PMPCA: variants seen among roughly 807,000 people sequenced by gnomAD.
The protein encoded by PMPCA is peptidase, mitochondrial processing subunit alpha.
A neutral mutation model predicts 59.3 loss-of-function variants in PMPCA; 47 were observed. The ratio of observed to expected loss-of-function variants is 0.79; its 90% CI spans 0.63 to 1.01. PMPCA has a LOEUF of 1.01. PMPCA is among the 50% of genes least tolerant of loss of function. The probability of loss-of-function intolerance (pLI) is 0.00; values close to 1 mark genes in which losing one functional copy is unlikely to be tolerated. For synonymous variants in PMPCA, 338 were observed against 290.3 expected (o/e 1.16, Z -1.67); for missense variants, 726 against 704.5 (o/e 1.03, Z -0.34).
At chr9:136,422,155 C>G in intron 12 of PMPCA, 179 bp downstream of exon 12, 1 of 1,536,104 alleles carries the variant, frequency 6.5e-7, no homozygotes, top group Non-Finnish European at 8.8e-7. Context: ...GGGTCGCAGA[C>G]CTGGTCTCAC....
rs571540936 is a variant in PMPCA, at chr9:136,410,694, C to T, written c.26C>T (p.Thr9Met). Reference sequence around the variant, plus strand: ...ATGGCGGCTGTGGTGCTGGCGGCGACGCGGTTGCTGCGGGGCTCGGGTTCT... The same window carrying T: ...ATGGCGGCTGTGGTGCTGGCGGCGATGCGGTTGCTGCGGGGCTCGGGTTCT... MAAVVLAA[T>M]RLLRGSGSWG... The change falls in exon 1 of 13, where the codon ACG (threonine) becomes ATG (methionine). Residue 9 changes from threonine (T) to methionine (M), a missense_variant. Thr to Met is a moderately conservative substitution (Grantham distance 81, BLOSUM62 -1). Coordinates refer to ENST00000371717, the MANE Select transcript of PMPCA (RefSeq NM_015160.3). 7 of 1,416,622 alleles carry T rather than the reference C, an allele frequency of 4.9e-6. No individual in the cohort carries two copies. Among genetic ancestry groups the T allele is most frequent in the South Asian group, 4.9e-5 (3 of 61,070 alleles). The allele number at this position is 1,416,622 out of a possible 1,614,324, so 87.8% of individuals were successfully genotyped here. A position where few individuals can be genotyped will look rare whatever the true frequency, so the allele number is the denominator to read the frequency against.
At chr9:136,422,156 C>G (rs1161706279) in intron 12 of PMPCA, 180 bp downstream of exon 12, 2 of 1,535,706 alleles carry the variant, frequency 1.3e-6, no homozygotes, top group Admixed American at 4.0e-5. Flanking sequence ...GGTCGCAGAC[C>G]TGGTCTCACT....
Position 136,418,759 on chromosome 9 carries a change from T to C in PMPCA, c.1110-69T>C, listed in dbSNP as rs576645255. On this transcript the variant is annotated intron_variant, in intron 9 of 12. Transcript: ENST00000371717. The stretch of plus-strand genomic sequence containing the variant: ...CCATGAGGCCACCTTCCAGGTGACT[T>C]TTCTCCAGTTTCCCATGGCCTGATC... 4.6e-6 allele frequency: 7 copies of C among 1,512,572 alleles called. No homozygotes were observed. In the Admixed American group the frequency reaches 8.4e-5, roughly 18 times the overall value. The allele number at this position is 1,512,572 out of a possible 1,614,324, so 93.7% of individuals were successfully genotyped here.
intron 1 of PMPCA, 139 bp downstream of exon 1, chr9:136,410,878 G>A (rs1835080425): frequency 1.6e-6 from 1 of 644,514 alleles, no homozygotes; most frequent in Non-Finnish European, 2.2e-6. Flanking sequence ...TCCCCGAGGC[G>A]ACGGGGGCCC....
intron 4 of PMPCA, among the ~76,000 whole-genome samples, chr9:136,413,130 G>C (rs1835182027): frequency 6.6e-6 from 1 of 152,242 alleles, no homozygotes; most frequent in South Asian, 2.1e-4. Context: ...CAGGGATGTA[G>C]AGCAGGCCCT....
At chr9:136,416,263 C>G in intron 5 of PMPCA, 28 bp from the exon 6 acceptor site, 1 of 1,545,284 alleles carries the variant, frequency 6.5e-7, no homozygotes, top group Non-Finnish European at 8.9e-7. Flanking sequence ...TGTGCAGACT[C>G]AGCCCTGGCC....
At chr9:136,421,330 C>T (rs903900276) in intron 11 of PMPCA, among the ~76,000 whole-genome samples, 2 of 151,836 alleles carry the variant, frequency 1.3e-5, no homozygotes, top group African/African-American at 2.4e-5. Flanking sequence ...CCGGGTAACA[C>T]GTAGCACAGC....
At chr9:136,421,661 C>G (rs895764855) in intron 11 of PMPCA, among the ~76,000 whole-genome samples, 171 bp from the exon 12 acceptor site, 6 of 152,210 alleles carry the variant, frequency 3.9e-5, no homozygotes, top group Non-Finnish European at 7.3e-5. Flanking sequence ...ATCCGCCTGC[C>G]TCAGCCTCCC....
intron 11 of PMPCA, chr9:136,420,050 C>T (rs911699918): frequency 2.6e-5 from 4 of 151,190 alleles, no homozygotes; most frequent in Non-Finnish European, 5.9e-5. Context: ...ATGATCTCAG[C>T]TCACTGCATC....
At chr9:136,416,079 G>A (rs1835264676) in intron 5 of PMPCA, 5 of 588,526 alleles carry the variant, frequency 8.5e-6, no homozygotes, top group South Asian at 2.1e-5. Context: ...TGGCTGAGGC[G>A]GGATGTGAGG....
chr9:136,423,219 G>A lies in PMPCA; in HGVS notation c.1533G>A (p.Ser511=), dbSNP rs763602314. ...PTYEHIQTAL[S]SKDGRLPRTY... ...ATGAGCACATCCAGACCGCCCTGTC[G>A]AGTAAGGACGGGCGCCTGCCCAGGA... The change falls in exon 13 of 13, where the codon TCG becomes TCA. Residue 511 remains serine, a synonymous_variant. Coordinates refer to ENST00000371717, the MANE Select transcript of PMPCA (RefSeq NM_015160.3). 1.5e-5 allele frequency: 24 copies of A among 1,613,442 alleles called. 1 individual carries two copies. Among genetic ancestry groups the A allele is most frequent in the South Asian group, 1.2e-4 (11 of 91,084 alleles).
At chr9:136,410,837 T>A in intron 1 of PMPCA, 98 bp downstream of exon 1, 2 of 1,049,682 alleles carry the variant, frequency 1.9e-6, no homozygotes, top group Non-Finnish European at 2.5e-6. Flanking sequence ...ATGGCGCCCG[T>A]GGGACGGGCT....
intron 11 of PMPCA, among the ~76,000 whole-genome samples, chr9:136,421,404 G>GTTTTTTTGTTTTTT (rs780035978): frequency 1.7e-5 from 2 of 118,010 alleles, no homozygotes; most frequent in Admixed American, 9.5e-5. Context: ...CTGGGTTCCC[G>GTTTTTTTGTTTTTT]TTTTTTTTTT....
chr9:136,418,291 T>C (rs1588817268), intron 8 of PMPCA, among the ~76,000 whole-genome samples, 182 bp downstream of exon 8: 1 of 151,904 alleles, frequency 6.6e-6, no homozygotes, highest in East Asian at 1.9e-4. Flanking sequence ...CTCAGCCAGC[T>C]CTGCCCTCTG....
chr9:136,416,591 C>T, intron 6 of PMPCA, 200 bp downstream of exon 6: 2 of 636,134 alleles, frequency 3.1e-6, no homozygotes, highest in Admixed American at 2.3e-5. Context: ...AGGTGATCCT[C>T]CTGCCTCTGC....
chr9:136,411,916 A>C, intron 1 of PMPCA, 81 bp from the exon 2 acceptor site: 2 of 808,736 alleles, frequency 2.5e-6, no homozygotes, highest in South Asian at 2.9e-5. Context: ...CCCAGACAAA[A>C]CATAACTAAC....
In PMPCA at chr9:136,414,754, C is replaced by G. The variant is rs548996559; in HGVS notation, c.532+107C>G. On this transcript the variant is annotated intron_variant, in intron 5 of 12. Transcript: ENST00000371717. ...GAGGGAGAGCACCATGTAATTGGAG[C>G]TTTAGGCCAACACAAAGTGACAGCG... 45 of 724,662 alleles carry G rather than the reference C, an allele frequency of 6.2e-5. No homozygotes were observed. The African/African-American group carries it at 6.6e-4, about 11-fold the overall frequency. 44.9% of individuals were successfully genotyped at this position (724,662 alleles called of 1,614,324 possible). A position where few individuals can be genotyped will look rare whatever the true frequency, so the allele number is the denominator to read the frequency against.
intron 11 of PMPCA, chr9:136,420,336 T>C (rs1380759095): frequency 6.6e-6 from 1 of 151,792 alleles, no homozygotes; most frequent in Non-Finnish European, 1.5e-5. Flanking sequence ...CCTGGCTAAT[T>C]TTTTGTATTT....
intron 12 of PMPCA, 139 bp downstream of exon 12, chr9:136,422,115 T>C: frequency 3.2e-6 from 5 of 1,545,146 alleles, no homozygotes; most frequent in Non-Finnish European, 4.4e-6. Context: ...CCAGTTGTCC[T>C]CAGCAGGGGC....
Sources: allele counts gnomAD v4.1 joint callset (sites outside exome capture counted in the v4.1 genomes callset), GRCh38; gene constraint gnomAD v4.1.1; transcripts MANE v1.5; gene names NCBI Gene and HGNC (gene_info 2026-07-23, HGNC 2026-07-21).